The following EYS variants were observed in gnomAD, a reference collection of about 807,000 sequenced individuals.
EYS encodes protein eyes shut homolog.
Under a neutral mutation model 282.1 loss-of-function variants are expected in EYS, and 250 were observed. That is an observed-to-expected ratio of 0.89 (90% CI 0.80 to 0.98). EYS has a LOEUF of 0.98. EYS is among the 50% of genes least tolerant of loss of function. EYS has a pLI of 0.00. For missense variants in EYS, 4,016 were observed against 3,709.0 expected (o/e 1.08, Z -2.15); for synonymous variants, 1,355 against 1,282.9 (o/e 1.06, Z -1.20).
At chr6:64,187,036 T>C (rs1209695249) in intron 31 of EYS, among the ~76,000 whole-genome samples, 6 of 152,150 alleles carry the variant, frequency 3.9e-5, no homozygotes, top group Non-Finnish European at 8.8e-5. Context: ...TCTGAAATTA[T>C]GCAACTCTGT....
intron 2 of EYS, among the ~76,000 whole-genome samples, chr6:65,574,854 A>G (rs1320249990): frequency 6.6e-6 from 1 of 152,192 alleles, no homozygotes; most frequent in East Asian, 1.9e-4. Flanking sequence ...TCCAGCATAG[A>G]TTATACTTTA....
At chr6:65,392,538 AGACATTT>A (rs1766086650) in intron 7 of EYS, among the ~76,000 whole-genome samples, 1 of 152,230 alleles carries the variant, frequency 6.6e-6, no homozygotes, top group Non-Finnish European at 1.5e-5. Context: ...TCTCAAAAGA[AGACATTT>A]GTGCAGGCAA....
chr6:64,252,626 G>A (rs908950682), intron 30 of EYS, among the ~76,000 whole-genome samples: 1 of 152,144 alleles, frequency 6.6e-6, no homozygotes, highest in Non-Finnish European at 1.5e-5. Context: ...CTCTTGAGGA[G>A]TCTCATGTCT....
chr6:65,424,861 A>C (rs2150379554), intron 5 of EYS, among the ~76,000 whole-genome samples: 1 of 152,168 alleles, frequency 6.6e-6, no homozygotes, highest in South Asian at 2.1e-4. Flanking sequence ...TCTGCATTCC[A>C]ACCTCAAGTG....
intron 5 of EYS, among the ~76,000 whole-genome samples, chr6:65,447,946 T>C (rs1768738732): frequency 6.6e-6 from 1 of 152,040 alleles, no homozygotes; most frequent in Admixed American, 6.6e-5. Flanking sequence ...GATAGGATGC[T>C]CAGTTTGCCT....
intron 9 of EYS, among the ~76,000 whole-genome samples, chr6:65,346,063 G>T (rs1367559456): frequency 6.6e-6 from 1 of 151,618 alleles, no homozygotes; most frequent in Non-Finnish European, 1.5e-5. Flanking sequence ...AATTTCCGAG[G>T]TTTGTTTTCA....
At chr6:65,566,115 C>T (rs942502404) in intron 2 of EYS, among the ~76,000 whole-genome samples, 4 of 151,322 alleles carry the variant, frequency 2.6e-5, no homozygotes, top group Non-Finnish European at 5.9e-5. Context: ...AAGAATTGAG[C>T]AAACATATTC....
intron 31 of EYS, among the ~76,000 whole-genome samples, chr6:64,218,092 A>C (rs1468178614): frequency 6.6e-6 from 1 of 152,198 alleles, no homozygotes; most frequent in Admixed American, 6.5e-5. Context: ...AAGCCTCTGC[A>C]TTAAGAGAGG....
At chr6:64,465,939 T>G (rs969154297) in intron 26 of EYS, among the ~76,000 whole-genome samples, 1 of 151,810 alleles carries the variant, frequency 6.6e-6, no homozygotes, top group African/African-American at 2.4e-5. Flanking sequence ...TAAAAATGAG[T>G]AAAGGGCATG....
intron 22 of EYS, among the ~76,000 whole-genome samples, chr6:64,806,435 TA>T (rs1473784672): frequency 6.6e-5 from 10 of 151,574 alleles, no homozygotes; most frequent in East Asian, 3.9e-4. Context: ...TTATCTCAAA[TA>T]TTTTTTTTAA....
chr6:64,451,510 G>A (rs559275141), intron 26 of EYS, among the ~76,000 whole-genome samples: 97 of 152,240 alleles, frequency 6.4e-4, no homozygotes, highest in Non-Finnish European at 1.1e-3. Context: ...CTCATTTTAT[G>A]AGGCCAGCAT....
intron 19 of EYS, among the ~76,000 whole-genome samples, chr6:64,836,257 C>T (rs377040134): frequency 2.0e-5 from 3 of 150,270 alleles, no homozygotes; most frequent in South Asian, 4.2e-4. Flanking sequence ...ATACATTCTT[C>T]TATGAGGAAT....
chr6:64,515,657 C>G (rs1257963099), intron 26 of EYS, among the ~76,000 whole-genome samples: 3 of 151,012 alleles, frequency 2.0e-5, no homozygotes, highest in Admixed American at 2.0e-4. Flanking sequence ...ATATGTGTAC[C>G]TACAAATGTC....
intron 26 of EYS, among the ~76,000 whole-genome samples, chr6:64,560,360 TC>T (rs1486773268): frequency 6.6e-6 from 1 of 152,078 alleles, no homozygotes; most frequent in African/African-American, 2.4e-5. Context: ...GGCCTTATTT[TC>T]TTTTGCATCT....
intron 12 of EYS, among the ~76,000 whole-genome samples, chr6:65,271,672 C>T (rs559712581): frequency 4.0e-5 from 6 of 151,082 alleles, no homozygotes; most frequent in Non-Finnish European, 8.9e-5. Context: ...ATCCTATGCC[C>T]CCTGGGTTCA....
chr6:63,721,415 A>G lies in EYS; in HGVS notation c.8616T>C (p.Gly2872=). Residue 2872 remains glycine, a synonymous_variant, in exon 43 of 43, where the codon GGT becomes GGC. Transcript: ENST00000503581. ...EFGAKGGSNV[G]DCDGTACGYN... ...ACCCACAGGCTGTCCCATCACAGTC[A>G]CCTACATTTGAGCCACCTTTTGCTC... 6.4e-7 allele frequency: 1 copy of G among 1,551,720 alleles called. No homozygotes were observed.
rs534791649 is a variant in EYS, at chr6:64,443,355, T to C, written c.5645-4003A>G. On this transcript the variant is annotated intron_variant, in intron 26 of 42. Transcript: ENST00000503581. ...ACTTGCTTTTGCTTTTACAGGCTCA[T>C]AGTGGGGAGGGACTTGCCTTGTCTC... Among the ~76,000 whole-genome samples the C allele has an allele frequency of 3.2e-4, 48 of 152,292 alleles. No individual in the cohort carries two copies. In the South Asian group the frequency reaches 3.5e-3, roughly 11 times the overall value.
chr6:64,970,831 C>T (rs985596304), intron 14 of EYS, among the ~76,000 whole-genome samples: 3 of 152,104 alleles, frequency 2.0e-5, no homozygotes, highest in African/African-American at 7.2e-5. Flanking sequence ...TCTGCAGTTG[C>T]TGCCATTTTG....
At chr6:65,420,170 C>G (rs1280916354) in intron 5 of EYS, among the ~76,000 whole-genome samples, 2 of 151,926 alleles carry the variant, frequency 1.3e-5, no homozygotes, top group African/African-American at 4.8e-5. Flanking sequence ...CTGTAGCATG[C>G]AATGCCATTT....
Sources: allele counts gnomAD v4.1 joint callset (sites outside exome capture counted in the v4.1 genomes callset), GRCh38; gene constraint gnomAD v4.1.1; transcripts MANE v1.5; gene names NCBI Gene and HGNC (gene_info 2026-07-23, HGNC 2026-07-21).